Variants in NEMF observed in about 807,000 individuals in gnomAD.
The protein encoded by NEMF is nuclear export mediator factor.
A neutral mutation model predicts 162.2 loss-of-function variants in NEMF; 89 were observed. The ratio of observed to expected loss-of-function variants is 0.55; its 90% CI spans 0.46 to 0.65. The LOEUF (loss-of-function observed/expected upper bound fraction) is 0.65. Ranked by LOEUF, NEMF falls within the 30% of genes least tolerant of loss-of-function variation. NEMF has a pLI of 0.00. For synonymous variants in NEMF, 421 were observed against 404.5 expected (o/e 1.04, Z -0.49); for missense variants, 1,133 against 1,261.9 (o/e 0.90, Z 1.55).
intron 4 of NEMF, among the ~76,000 whole-genome samples, chr14:49,844,135 G>A (rs114871590): frequency 0.021 from 3,084 of 150,276 alleles, 91 homozygotes; most frequent in African/African-American, 0.069. Flanking sequence ...AAAAAAAACC[G>A]CAGTCCCCAG....
intron 16 of NEMF, chr14:49,820,261 T>C: frequency 2.8e-6 from 1 of 354,996 alleles, no homozygotes; most frequent in Non-Finnish European, 5.6e-6. Context: ...CCATTTCCTT[T>C]TGACAGCAGG....
chr14:49,819,313 G>A lies in NEMF; in HGVS notation c.1578-4456C>T, dbSNP rs142661016. On this transcript the variant is annotated intron_variant, in intron 16 of 32. Transcript: ENST00000298310. The stretch of plus-strand genomic sequence containing the variant: ...GACACACAAAAAACAGAGTAACTAC[G>A]TGAGATGATGCATATGTTAATGTGC... Among the ~76,000 whole-genome samples, 13 of 152,100 alleles carry A rather than the reference G, an allele frequency of 8.5e-5. 1 individual carries two copies. The East Asian group carries it at 1.7e-3, about 20-fold the overall frequency.
chr14:49,841,960 C>G (rs1044841749), intron 4 of NEMF, among the ~76,000 whole-genome samples: 1 of 151,884 alleles, frequency 6.6e-6, no homozygotes, highest in Non-Finnish European at 1.5e-5. Flanking sequence ...ACAAAATTAG[C>G]CAGGCATGGT....
chr14:49,811,769 T>G (rs1180814705), intron 18 of NEMF, among the ~76,000 whole-genome samples: 1 of 152,234 alleles, frequency 6.6e-6, no homozygotes, highest in Non-Finnish European at 1.5e-5. Flanking sequence ...GAACCAAGCT[T>G]TCATTCCTGA....
chr14:49,782,324 A>G lies in NEMF; in HGVS notation c.*2312T>C, dbSNP rs763907641. ...TCTATTCTGTAGTATAAAATGGCCA[A>G]CTGGTGTTCTGGGTGGCTTCAAACT... On this transcript the variant is annotated 3_prime_UTR_variant, in exon 33 of 33. Transcript: ENST00000298310. The G allele has an allele frequency of 3.8e-6, 5 of 1,316,500 alleles. No homozygotes were observed. Among genetic ancestry groups the G allele is most frequent in the African/African-American group, 1.5e-5 (1 of 68,500 alleles). 81.6% of individuals were successfully genotyped at this position (1,316,500 alleles called of 1,614,324 possible).
At chr14:49,806,453 G>A (rs1179717723) in intron 18 of NEMF, among the ~76,000 whole-genome samples, 1 of 149,384 alleles carries the variant, frequency 6.7e-6, no homozygotes, top group Non-Finnish European at 1.5e-5. Flanking sequence ...GTAGAGATGG[G>A]GTTTCACCAT....
chr14:49,801,047 CTT>C (rs1890928675), intron 22 of NEMF: 2 of 235,902 alleles, frequency 8.5e-6, no homozygotes, highest in East Asian at 2.2e-4. Context: ...CACATAAAAA[CTT>C]AAATACGTAT....
intron 6 of NEMF, 140 bp downstream of exon 6, chr14:49,837,999 T>C (rs965243297): frequency 3.1e-5 from 17 of 555,056 alleles, no homozygotes; most frequent in Admixed American, 6.6e-5. Context: ...GTTTAACTTC[T>C]CTTTCTTTGA....
chr14:49,825,385 A>T (rs1892285410), intron 16 of NEMF, among the ~76,000 whole-genome samples: 1 of 152,210 alleles, frequency 6.6e-6, no homozygotes, highest in African/African-American at 2.4e-5. Flanking sequence ...TATCAAAAGA[A>T]TCAACTAAAA....
At chr14:49,814,278 T>C (rs1037264413) in intron 17 of NEMF, among the ~76,000 whole-genome samples, 1 of 151,938 alleles carries the variant, frequency 6.6e-6, no homozygotes, top group African/African-American at 2.4e-5. Flanking sequence ...TTTTTTGGTA[T>C]TTTTAGTGGA....
At chr14:49,828,858 A>T (rs749113205) in intron 13 of NEMF, 51 bp from the exon 14 acceptor site, 31 of 1,404,676 alleles carry the variant, frequency 2.2e-5, no homozygotes, top group Non-Finnish European at 2.9e-5. Flanking sequence ...CATCACTTTT[A>T]TTTTCAATTT....
chr14:49,850,461 T>C (rs1777918641), intron 3 of NEMF, among the ~76,000 whole-genome samples: 1 of 152,212 alleles, frequency 6.6e-6, no homozygotes, highest in South Asian at 2.1e-4. Context: ...ACATTTTACA[T>C]TTAAAGAAAC....
rs201753626 is a variant in NEMF at position 49,828,754 on chromosome 14, T to C, written c.1286A>G (p.Asn429Ser). 102 of 1,575,746 alleles carry C rather than the reference T, an allele frequency of 6.5e-5. No individual in the cohort carries two copies. The highest frequency in any genetic ancestry group is 5.0e-4 in the Middle Eastern group (3 of 5,978). ...EEDDDVDGDV[N>S]VEKNETEPPK... ...TGGTTCAGTTTCATTTTTCTCAACA[T>C]TGACGTCACCATCAACATCATCATC... Residue 429 changes from asparagine (N) to serine (S), a missense_variant, in exon 14 of 33, where the codon AAT becomes AGT. Around this residue, in one of 3 missense-constraint regions of NEMF, gnomAD observed 582 missense variants for 631.5 expected, o/e 0.92. Transcript: ENST00000298310.
At chr14:49,806,186 G>A (rs1891179797) in intron 18 of NEMF, 53 bp from the exon 19 acceptor site, 3 of 1,204,740 alleles carry the variant, frequency 2.5e-6, no homozygotes, top group African/African-American at 3.3e-5. Context: ...TTTCTCCAGA[G>A]CAAGATATGA....
chr14:49,850,802 G>C (rs544510538), intron 3 of NEMF, among the ~76,000 whole-genome samples: 77 of 152,188 alleles, frequency 5.1e-4, no homozygotes, highest in African/African-American at 1.6e-3. Flanking sequence ...AGGTGGGGCA[G>C]GGAGGAGAAA....
At chr14:49,815,406 C>G (rs895062092) in intron 16 of NEMF, among the ~76,000 whole-genome samples, 4 of 152,010 alleles carry the variant, frequency 2.6e-5, no homozygotes, top group African/African-American at 9.7e-5. Context: ...ATAAAAAGTA[C>G]AGAGTATATT....
rs1192993193 is a variant in NEMF, at chr14:49,783,689, G to A, written c.*947C>T. 2.6e-5 allele frequency: 4 copies of A among 152,004 alleles called. No individual in the cohort carries two copies. Among genetic ancestry groups the A allele is most frequent in the Non-Finnish European group, 5.9e-5 (4 of 67,988 alleles). The allele number at this position is 152,004 out of a possible 1,614,324, so 9.4% of individuals were successfully genotyped here. The stretch of plus-strand genomic sequence containing the variant: ...GTATTATAGGTTAAGATACTCTAAC[G>A]TGCTATATTGGTAATTAATTACTAA... On this transcript the variant is annotated 3_prime_UTR_variant, in exon 33 of 33. Coordinates refer to ENST00000298310, the MANE Select transcript of NEMF (RefSeq NM_004713.6).
At chr14:49,839,104 GT>G (rs1893066926) in intron 5 of NEMF, among the ~76,000 whole-genome samples, 2 of 150,350 alleles carry the variant, frequency 1.3e-5, no homozygotes, top group Non-Finnish European at 3.0e-5. Context: ...TTGAGACAGA[GT>G]TTTGCTCTGT....
intron 15 of NEMF, among the ~76,000 whole-genome samples, chr14:49,827,189 T>C (rs763923147): frequency 2.6e-5 from 4 of 152,196 alleles, no homozygotes; most frequent in Non-Finnish European, 4.4e-5. Context: ...GATTTATTTA[T>C]TTTAATATAT....
Sources: allele counts gnomAD v4.1 joint callset (sites outside exome capture counted in the v4.1 genomes callset), GRCh38; gene constraint gnomAD v4.1.1; regional missense constraint gnomAD v4.1.1; transcripts MANE v1.5; gene names NCBI Gene and HGNC (gene_info 2026-07-23, HGNC 2026-07-21).